TPST1: variants seen among roughly 807,000 people sequenced by gnomAD.
The protein encoded by TPST1 is tyrosylprotein sulfotransferase 1.
In TPST1, 20 loss-of-function variants were observed where a neutral mutation model predicts 34.8. That is an observed-to-expected ratio of 0.57 (90% CI 0.40 to 0.84). The LOEUF (loss-of-function observed/expected upper bound fraction) is 0.84. Among genes scored for constraint, TPST1 ranks in the 40% least tolerant of loss-of-function variants. The pLI, the probability that TPST1 is intolerant of heterozygous loss-of-function variation, is 0.00. For missense variants in TPST1, 353 were observed against 455.5 expected, an observed-to-expected ratio of 0.78 and a Z score of 2.05; for synonymous variants, 152 against 159.4, an observed-to-expected ratio of 0.95 and a Z score of 0.35.
At chr7:66,342,959 C>A (rs1792269545) in intron 3 of TPST1, among the ~76,000 whole-genome samples, 1 of 152,152 alleles carries the variant, frequency 6.6e-6, no homozygotes, top group Non-Finnish European at 1.5e-5. Context: ...AAACACCCAA[C>A]TGCAGCCCTC....
At chr7:66,283,172 A>T (rs1431463686) in intron 2 of TPST1, among the ~76,000 whole-genome samples, 1 of 152,122 alleles carries the variant, frequency 6.6e-6, no homozygotes, top group Non-Finnish European at 1.5e-5. Context: ...GAGGCAGGAG[A>T]ATCGCTTGAA....
At chr7:66,209,725 C>T (rs1789206242) in intron 1 of TPST1, among the ~76,000 whole-genome samples, 1 of 152,166 alleles carries the variant, frequency 6.6e-6, no homozygotes, top group Non-Finnish European at 1.5e-5. Flanking sequence ...ATGTCTTTCT[C>T]TACTCTAAGG....
intron 2 of TPST1, among the ~76,000 whole-genome samples, chr7:66,255,259 T>TA (rs1335115765): frequency 6.6e-6 from 1 of 151,864 alleles, no homozygotes; most frequent in East Asian, 1.9e-4. Context: ...GTGGAGGTGA[T>TA]ACTGCTGGCC....
At chr7:66,266,156 A>G (rs892788575) in intron 2 of TPST1, among the ~76,000 whole-genome samples, 1 of 152,216 alleles carries the variant, frequency 6.6e-6, no homozygotes, top group Non-Finnish European at 1.5e-5. Flanking sequence ...AGAGGACAGG[A>G]AGGATGAAAC....
At position 66,277,489 on chromosome 7, in the gene TPST1, A is replaced by T. The variant is rs576892513; in HGVS notation, c.846-9022A>T. 3.6e-4 allele frequency among the ~76,000 whole-genome samples: 55 copies of T among 151,992 alleles called. 1 individual carries two copies. In the South Asian group the frequency reaches 0.011, roughly 32 times the overall value. ...TTTGGAGTTTGTGAGCTACTTTGTC[A>T]TCTAGTTTTGTTGTCCATGGTGTTT... is the stretch of plus-strand genomic sequence containing the variant. On this transcript the variant is annotated intron_variant, in intron 2 of 5. Coordinates refer to ENST00000304842, the MANE Select transcript of TPST1 (RefSeq NM_003596.4).
intron 2 of TPST1, among the ~76,000 whole-genome samples, chr7:66,246,456 T>G (rs1291615328): frequency 6.6e-6 from 1 of 152,160 alleles, no homozygotes; most frequent in Non-Finnish European, 1.5e-5. Flanking sequence ...AGAGAGCTGA[T>G]GAAACATTGC....
upstream of TPST1, among the ~76,000 whole-genome samples, chr7:66,203,486 C>CTTTTTT (rs373614847): frequency 3.0e-5 from 4 of 134,572 alleles, no homozygotes; most frequent in East Asian, 4.4e-4. Context: ...ACAAAAACTT[C>CTTTTTT]TTTTTTTTTT....
intron 3 of TPST1, among the ~76,000 whole-genome samples, chr7:66,317,604 GT>G (rs989205848): frequency 2.6e-4 from 38 of 145,302 alleles, no homozygotes; most frequent in East Asian, 2.2e-3. Flanking sequence ...GTGTTTTAAT[GT>G]TTTTTTTTTA....
intron 1 of TPST1, among the ~76,000 whole-genome samples, chr7:66,239,155 G>A (rs1375348614): frequency 6.6e-6 from 1 of 152,148 alleles, no homozygotes. Context: ...CCCTCCCTCT[G>A]TCTTTTCTTT....
In TPST1 at chr7:66,332,755, G is replaced by A. The variant is rs1792022425; in HGVS notation, c.1045-19750G>A. On this transcript the variant is annotated intron_variant, in intron 3 of 5. Transcript: ENST00000304842. This position sits in a 1 kb window ranked among gnomAD's most constrained non-coding sequence, Gnocchi z 4.5. ...AAAATACAGGATAACTATTTACATA[G>A]CATTTGCATTGTATTAGGTGTTATA... Among the ~76,000 whole-genome samples the A allele has an allele frequency of 2.6e-5, 4 of 152,114 alleles. No homozygotes were observed. The South Asian group carries it at 8.3e-4, about 31-fold the overall frequency.
At chr7:66,203,119 A>G (rs762405545), upstream of TPST1, among the ~76,000 whole-genome samples, 18 of 152,008 alleles carry the variant, frequency 1.2e-4, no homozygotes, top group Non-Finnish European at 1.5e-4. Context: ...GCTGTCTACC[A>G]TCTTATAGTC....
intron 2 of TPST1, among the ~76,000 whole-genome samples, chr7:66,266,759 G>A (rs1248536635): frequency 6.6e-6 from 1 of 152,192 alleles, no homozygotes; most frequent in Non-Finnish European, 1.5e-5. Flanking sequence ...TATACTAAGT[G>A]TACACAGCCA....
intron 2 of TPST1, among the ~76,000 whole-genome samples, chr7:66,277,277 C>T (rs1427809783): frequency 6.6e-6 from 1 of 152,172 alleles, no homozygotes; most frequent in African/African-American, 2.4e-5. Context: ...TTTGATGAAA[C>T]CCTTCCCAAT....
At chr7:66,212,789 A>G (rs1395955834) in intron 1 of TPST1, among the ~76,000 whole-genome samples, 1 of 152,116 alleles carries the variant, frequency 6.6e-6, no homozygotes, top group Non-Finnish European at 1.5e-5. Context: ...CTCAGGGCTT[A>G]GATATAAACC....
intron 2 of TPST1, among the ~76,000 whole-genome samples, chr7:66,250,828 A>G (rs139734707): frequency 1.7e-3 from 255 of 152,330 alleles, no homozygotes; most frequent in African/African-American, 5.6e-3. Context: ...AGTTACTTCA[A>G]CGTAAGCACT....
At chr7:66,355,984 A>G (rs948299901) in intron 4 of TPST1, among the ~76,000 whole-genome samples, 3 of 151,758 alleles carry the variant, frequency 2.0e-5, no homozygotes, top group African/African-American at 7.3e-5. Flanking sequence ...AAGCCCAGAC[A>G]GCTGTGATTG....
chr7:66,242,215 G>GT (rs925121207), intron 2 of TPST1, among the ~76,000 whole-genome samples: 9 of 150,634 alleles, frequency 6.0e-5, no homozygotes, highest in South Asian at 2.1e-4. Flanking sequence ...TTTTATTTTT[G>GT]TTTTTTTTCT....
intron 1 of TPST1, among the ~76,000 whole-genome samples, chr7:66,207,489 G>A (rs1385031086): frequency 6.6e-6 from 1 of 152,092 alleles, no homozygotes; most frequent in Non-Finnish European, 1.5e-5. Context: ...TATTTTTTCT[G>A]TTGGATGGTA....
chr7:66,324,924 T>C (rs996963447), intron 3 of TPST1, among the ~76,000 whole-genome samples: 1 of 152,152 alleles, frequency 6.6e-6, no homozygotes, highest in African/African-American at 2.4e-5. Context: ...TGAAAATGTA[T>C]TCTGTTCTTT....
Sources: allele counts gnomAD v4.1 joint callset (sites outside exome capture counted in the v4.1 genomes callset), GRCh38; gene constraint gnomAD v4.1.1; non-coding constraint Gnocchi (gnomAD v3.1); transcripts MANE v1.5; gene names NCBI Gene and HGNC (gene_info 2026-07-23, HGNC 2026-07-21).